PDE4D: variants seen among roughly 807,000 people sequenced by gnomAD.
The protein encoded by PDE4D is 3',5'-cyclic-AMP phosphodiesterase 4D.
In PDE4D, 24 loss-of-function variants were observed where a neutral mutation model predicts 87.4. That is an observed-to-expected ratio of 0.27 (90% CI 0.20 to 0.39). The LOEUF (loss-of-function observed/expected upper bound fraction) is 0.39. Ranked by LOEUF, PDE4D falls within the 10% of genes least tolerant of loss-of-function variation. The pLI is 1.00. For missense variants in PDE4D, 714 were observed against 1,041.0 expected (o/e 0.69, Z 4.32); for synonymous variants, 384 against 383.2 (o/e 1.00, Z -0.02).
At chr5:59,838,840 T>C (rs935041882) in intron 1 of PDE4D, among the ~76,000 whole-genome samples, 2 of 152,088 alleles carry the variant, frequency 1.3e-5, no homozygotes, top group African/African-American at 4.8e-5. Context: ...AGGCCTTAAA[T>C]GGTACCTTGA....
At chr5:60,108,098 A>G (rs1229348839) in intron 2 of PDE4D, among the ~76,000 whole-genome samples, 1 of 151,926 alleles carries the variant, frequency 6.6e-6, no homozygotes, top group African/African-American at 2.4e-5. Flanking sequence ...ATGATTGTAT[A>G]TCTAGAAAAC....
At chr5:59,361,941 T>C (rs1302979434) in intron 1 of PDE4D, among the ~76,000 whole-genome samples, 1 of 152,086 alleles carries the variant, frequency 6.6e-6, no homozygotes, top group East Asian at 1.9e-4. Context: ...ATTTGATTGA[T>C]TAATTAATTT....
chr5:59,649,904 C>CTTTTTTTTTTTTTT (rs1561402852), intron 1 of PDE4D, among the ~76,000 whole-genome samples: 1,076 of 73,950 alleles, frequency 0.015, 240 homozygotes, highest in Middle Eastern at 0.026. Flanking sequence ...AGTTTGTGAA[C>CTTTTTTTTTTTTTT]CTTTTTTTTT....
chr5:59,058,479 T>C (rs544835448), intron 5 of PDE4D, among the ~76,000 whole-genome samples: 6 of 152,318 alleles, frequency 3.9e-5, no homozygotes, highest in African/African-American at 1.2e-4. Context: ...TACATCCTAA[T>C]TGGCCTGGAA....
At chr5:59,936,195 A>C (rs1309463606) in intron 3 of PDE4D, among the ~76,000 whole-genome samples, 1 of 151,954 alleles carries the variant, frequency 6.6e-6, no homozygotes, top group African/African-American at 2.4e-5. Context: ...GGAACATTAC[A>C]CACCGGGGCC....
intron 1 of PDE4D, among the ~76,000 whole-genome samples, chr5:59,323,773 C>T (rs974810900): frequency 6.7e-6 from 1 of 149,720 alleles, no homozygotes; most frequent in Non-Finnish European, 1.5e-5. Context: ...TTTCCCACAG[C>T]AGCCAAAGAC....
At chr5:59,393,245 G>A (rs771401585) in intron 1 of PDE4D, among the ~76,000 whole-genome samples, 71 of 152,058 alleles carry the variant, frequency 4.7e-4, no homozygotes, top group Non-Finnish European at 5.3e-4. Context: ...AACAAAAAAA[G>A]GACTTTGAGA....
At chr5:59,455,072 G>A (rs750450867) in intron 1 of PDE4D, among the ~76,000 whole-genome samples, 16 of 152,152 alleles carry the variant, frequency 1.1e-4, no homozygotes, top group South Asian at 2.1e-4. Flanking sequence ...CTGACAATGC[G>A]ATAGAAAAGA....
intron 3 of PDE4D, among the ~76,000 whole-genome samples, chr5:59,906,110 C>G (rs748410039): frequency 1.3e-5 from 2 of 152,018 alleles, no homozygotes; most frequent in Non-Finnish European, 2.9e-5. Context: ...TAGCCATGGC[C>G]TTTTTATGAA....
chr5:60,271,434 T>G (rs188384366), intron 1 of PDE4D, among the ~76,000 whole-genome samples: 13 of 152,298 alleles, frequency 8.5e-5, no homozygotes, highest in African/African-American at 2.9e-4. Flanking sequence ...AACTGGAAAT[T>G]AAAGGAACAA....
intron 1 of PDE4D, among the ~76,000 whole-genome samples, chr5:59,887,410 C>A (rs1309718306): frequency 1.3e-5 from 2 of 152,088 alleles, no homozygotes; most frequent in Non-Finnish European, 2.9e-5. Context: ...ATAGCCACAT[C>A]TTTTGAAATA....
At chr5:60,340,011 T>A (rs1758163363) in intron 1 of PDE4D, among the ~76,000 whole-genome samples, 3 of 152,158 alleles carry the variant, frequency 2.0e-5, no homozygotes, top group Non-Finnish European at 4.4e-5. Flanking sequence ...GAACCAAACC[T>A]CAATAAGCCA....
At chr5:59,380,346 T>A (rs1785523244) in intron 1 of PDE4D, among the ~76,000 whole-genome samples, 1 of 119,168 alleles carries the variant, frequency 8.4e-6, no homozygotes, top group Non-Finnish European at 1.7e-5. Context: ...ATCATATAAA[T>A]CCTCAATTTT....
At chr5:59,958,396 G>GA (rs1759095933) in intron 3 of PDE4D, among the ~76,000 whole-genome samples, 1 of 152,070 alleles carries the variant, frequency 6.6e-6, no homozygotes, top group Admixed American at 6.6e-5. Flanking sequence ...AAGAGGAACA[G>GA]AATGCTTTCA....
intron 5 of PDE4D, among the ~76,000 whole-genome samples, chr5:59,103,001 T>C (rs550425504): frequency 3.3e-5 from 5 of 152,302 alleles, no homozygotes; most frequent in Non-Finnish European, 7.4e-5. Context: ...TCTGACTCCA[T>C]ATATGTCAAA....
chr5:59,507,455 A>T (rs1000495940), intron 1 of PDE4D, among the ~76,000 whole-genome samples: 1 of 152,128 alleles, frequency 6.6e-6, no homozygotes, highest in African/African-American at 2.4e-5. Context: ...TAGGCCCAGG[A>T]GTTTGAGTCT....
At chr5:59,731,669 A>G (rs553178624) in intron 1 of PDE4D, among the ~76,000 whole-genome samples, 3 of 152,276 alleles carry the variant, frequency 2.0e-5, no homozygotes, top group East Asian at 3.9e-4. Context: ...CCAGACTACA[A>G]TATTTCAAGC....
At chr5:59,867,754 C>T (rs1241198034) in intron 1 of PDE4D, among the ~76,000 whole-genome samples, 2 of 152,104 alleles carry the variant, frequency 1.3e-5, no homozygotes, top group Non-Finnish European at 2.9e-5. Flanking sequence ...TTGCTAAAAG[C>T]ACTATGGCAG....
intron 1 of PDE4D, among the ~76,000 whole-genome samples, chr5:59,498,706 T>C (rs1807681854): frequency 6.6e-6 from 1 of 151,726 alleles, no homozygotes; most frequent in African/African-American, 2.4e-5. Flanking sequence ...AATGATAAAG[T>C]GTTCAATTCA....
Sources: gnomAD v4.1 joint callset for allele counts (sites outside exome capture counted in the v4.1 genomes callset) on GRCh38, gnomAD v4.1.1 for gene constraint, MANE v1.5 for transcripts, NCBI Gene and HGNC (gene_info 2026-07-23, HGNC 2026-07-21) for gene names.